FBXO32: variants seen among roughly 807,000 people sequenced by gnomAD.
The protein encoded by FBXO32 is F-box protein 32.
In FBXO32, 15 loss-of-function variants were observed where a neutral mutation model predicts 48.3. The ratio of observed to expected loss-of-function variants is 0.31; its 90% CI spans 0.21 to 0.48. The LOEUF is 0.48. FBXO32 is among the 20% of genes least tolerant of loss of function. FBXO32 has a pLI of 0.99. For synonymous variants in FBXO32, 154 were observed against 165.9 expected (o/e 0.93, Z 0.55); for missense variants, 309 against 432.7 (o/e 0.71, Z 2.54).
intron 1 of FBXO32, among the ~76,000 whole-genome samples, chr8:123,538,834 G>T (rs1234597850): frequency 1.3e-5 from 2 of 152,168 alleles, no homozygotes; most frequent in African/African-American, 4.8e-5. Flanking sequence ...GGACACGGGA[G>T]GGGGGCTGTG....
intron 4 of FBXO32, among the ~76,000 whole-genome samples, 161 bp from the exon 5 acceptor site, chr8:123,514,494 G>A (rs948187035): frequency 1.3e-5 from 2 of 152,238 alleles, no homozygotes; most frequent in Non-Finnish European, 2.9e-5. Flanking sequence ...CAGAGTGAAA[G>A]ATAAATGGGG....
At chr8:123,503,853 G>A (rs904008494) in intron 8 of FBXO32, among the ~76,000 whole-genome samples, 1 of 152,160 alleles carries the variant, frequency 6.6e-6, no homozygotes, top group African/African-American at 2.4e-5. Context: ...CAAGGCAGGT[G>A]GATCACTCGA....
At chr8:123,531,471 T>A (rs1286981668) in intron 4 of FBXO32, among the ~76,000 whole-genome samples, 1 of 152,166 alleles carries the variant, frequency 6.6e-6, no homozygotes, top group Non-Finnish European at 1.5e-5. Context: ...GTGAGAACAG[T>A]CAGAGATACA....
In FBXO32 at chr8:123,540,969, C is replaced by G; in HGVS notation, c.46G>C (p.Val16Leu). Residue 16 changes from valine (V) to leucine (L), a missense_variant, in exon 1 of 9, where the codon GTG becomes CTG. Transcript: ENST00000517956. This position sits in a 1 kb window ranked among gnomAD's most constrained non-coding sequence, Gnocchi z 6.4. Reference protein sequence around the residue: ...QDWRSPGQNWVKTADGWKRFL... With the variant: ...QDWRSPGQNWLKTADGWKRFL... ...CGCTTCCAGCCGTCGGCCGTCTTCACCCAGTTCTGCCCGGGGGACCGCCAG... is the reference window on the plus strand; with the variant it reads ...CGCTTCCAGCCGTCGGCCGTCTTCAGCCAGTTCTGCCCGGGGGACCGCCAG... 1.2e-6 allele frequency: 2 copies of G among 1,613,376 alleles called. No homozygotes were observed. Among genetic ancestry groups the G allele is most frequent in the Non-Finnish European group, 1.7e-6 (2 of 1,179,758 alleles).
chr8:123,501,346 CA>C lies in FBXO32; in HGVS notation c.*2026del, dbSNP rs1816479093. 7.5e-6 allele frequency: 1 copy of C among 134,074 alleles called. No individual in the cohort carries two copies. Among genetic ancestry groups the C allele is most frequent in the East Asian group, 2.1e-4 (1 of 4,706 alleles). The allele number at this position is 134,074 out of a possible 1,614,324, so 8.3% of individuals were successfully genotyped here. Reference sequence around the variant, plus strand: ...CTGCATTCCCAATGTGAAATTGGTTCAGGGGGAGAGGGATTGCAAAAAAAAA... The same window carrying C: ...CTGCATTCCCAATGTGAAATTGGTTCGGGGGAGAGGGATTGCAAAAAAAAA... On this transcript the variant is annotated 3_prime_UTR_variant, in exon 9 of 9. Coordinates refer to ENST00000517956, the MANE Select transcript of FBXO32 (RefSeq NM_058229.4).
In FBXO32 at chr8:123,525,196, T is replaced by G. The variant is rs771405068; in HGVS notation, c.372+6702A>C. On this transcript the variant is annotated intron_variant, in intron 4 of 8. Transcript: ENST00000517956. The surrounding 1 kb of genome is among the most constrained non-coding windows in gnomAD (Gnocchi z 4.3). ...AAAATGCTTTCAGGGGTGGTAGGAATGCAGTAACTTGCTGGAAACATTCAA... is the reference window on the plus strand; with the variant it reads ...AAAATGCTTTCAGGGGTGGTAGGAAGGCAGTAACTTGCTGGAAACATTCAA... Among the ~76,000 whole-genome samples, 28 of 152,232 alleles carry G rather than the reference T, an allele frequency of 1.8e-4. No individual in the cohort carries two copies. Among genetic ancestry groups the G allele is most frequent in the Non-Finnish European group, 3.2e-4 (22 of 68,044 alleles).
intron 4 of FBXO32, among the ~76,000 whole-genome samples, chr8:123,526,492 G>A (rs1214011707): frequency 2.0e-5 from 3 of 152,078 alleles, no homozygotes. Context: ...CTCCCAAAGT[G>A]CTGGGATTAC....
At chr8:123,528,700 G>C (rs1817139865) in intron 4 of FBXO32, among the ~76,000 whole-genome samples, 1 of 152,150 alleles carries the variant, frequency 6.6e-6, no homozygotes, top group Non-Finnish European at 1.5e-5. Flanking sequence ...TGATAAAAAT[G>C]ATAATATTTT....
chr8:123,502,831 C>T lies in FBXO32; in HGVS notation c.*542G>A, dbSNP rs1816525026. The T allele has an allele frequency of 6.6e-6, 1 of 152,474 alleles. No individual in the cohort carries two copies. The highest frequency in any genetic ancestry group is 1.9e-4 in the East Asian group (1 of 5,204). The allele number at this position is 152,474 out of a possible 1,614,324, so 9.4% of individuals were successfully genotyped here. On this transcript the variant is annotated 3_prime_UTR_variant, in exon 9 of 9. Coordinates refer to ENST00000517956, the MANE Select transcript of FBXO32 (RefSeq NM_058229.4). Reference sequence around the variant, plus strand: ...AGAGGTAGACCATTGTGTGGTATCTCTGTAGGGTAAGGCTCTGTGCCCATG... The same window carrying T: ...AGAGGTAGACCATTGTGTGGTATCTTTGTAGGGTAAGGCTCTGTGCCCATG...
chr8:123,511,007 G>A (rs141910368), intron 6 of FBXO32, among the ~76,000 whole-genome samples: 148 of 152,336 alleles, frequency 9.7e-4, no homozygotes, highest in Non-Finnish European at 1.9e-3. Context: ...GGCTTGGCTC[G>A]GCTGGAGCTC....
intron 4 of FBXO32, among the ~76,000 whole-genome samples, chr8:123,518,896 A>G (rs1816892319): frequency 6.6e-6 from 1 of 152,114 alleles, no homozygotes; most frequent in African/African-American, 2.4e-5. Flanking sequence ...GTCATGGCTC[A>G]CTGTAGCCTT....
intron 1 of FBXO32, among the ~76,000 whole-genome samples, chr8:123,538,529 A>G (rs1245030024): frequency 6.6e-6 from 1 of 152,214 alleles, no homozygotes; most frequent in Non-Finnish European, 1.5e-5. Context: ...CACCAAGACC[A>G]AAAACAGTGA....
At position 123,513,251 on chromosome 8, in the gene FBXO32, T is replaced by A; in HGVS notation, c.598A>T (p.Met200Leu). Residue 200 changes from methionine (M) to leucine (L), a missense_variant, in exon 6 of 9, where the codon ATG becomes TTG. By Grantham distance (15) the Met-to-Leu change is conservative (BLOSUM62 2). Transcript: ENST00000517956. This position sits in a 1 kb window ranked among gnomAD's most constrained non-coding sequence, Gnocchi z 4.3. ...TGCTGCCAGTGGAGAATCGTCTCCA[T>A]CCGATACACCCACATGTTAATGTTC... ...VGNINMWVYRMETILHWQQQL... is the reference protein window; with the variant it reads ...VGNINMWVYRLETILHWQQQL... 2 of 1,614,196 alleles carry A rather than the reference T, an allele frequency of 1.2e-6. No individual in the cohort carries two copies. Among genetic ancestry groups the A allele is most frequent in the Middle Eastern group, 3.3e-4 (2 of 6,062 alleles).
intron 4 of FBXO32, among the ~76,000 whole-genome samples, chr8:123,527,957 C>T (rs1427471265): frequency 7.2e-5 from 11 of 152,148 alleles, no homozygotes; most frequent in Non-Finnish European, 1.0e-4. Context: ...CCCCAGAAGT[C>T]GTATCTAGAG....
At chr8:123,507,635 A>G (rs1022846482) in intron 6 of FBXO32, among the ~76,000 whole-genome samples, 5 of 152,124 alleles carry the variant, frequency 3.3e-5, no homozygotes, top group Non-Finnish European at 7.4e-5. Flanking sequence ...CTTCTCCAAG[A>G]GCTTCTGGTA....
At chr8:123,514,019 C>T (rs1816788415) in intron 5 of FBXO32, 6 of 475,216 alleles carry the variant, frequency 1.3e-5, no homozygotes, top group Non-Finnish European at 2.2e-5. Context: ...AGTGGATGGT[C>T]CCAAAGAAAG....
rs1319262048 is a variant in FBXO32 at position 123,532,980 on chromosome 8, C to T, written c.279+211G>A. On this transcript the variant is annotated intron_variant, in intron 3 of 8. Transcript: ENST00000517956. ...CTTTTACATACATAATCTCATTGAA[C>T]GACTAGAGGGTCCACCTAGTGACTT... Among the ~76,000 whole-genome samples the T allele has an allele frequency of 5.3e-5, 8 of 152,186 alleles. No homozygotes were observed. The East Asian group carries it at 5.8e-4, about 11-fold the overall frequency.
intron 2 of FBXO32, 100 bp from the exon 3 acceptor site, chr8:123,533,340 A>G (rs1817246890): frequency 9.7e-7 from 1 of 1,034,518 alleles, no homozygotes; most frequent in African/African-American, 1.6e-5. Context: ...AGTTTTGACA[A>G]AAAAGATAAG....
intron 4 of FBXO32, among the ~76,000 whole-genome samples, chr8:123,517,915 G>T (rs954671352): frequency 6.6e-6 from 1 of 152,030 alleles, no homozygotes; most frequent in Non-Finnish European, 1.5e-5. Flanking sequence ...GACATCAGGG[G>T]TTAGCAAACT....
Sources: gnomAD v4.1 joint callset for allele counts (sites outside exome capture counted in the v4.1 genomes callset) on GRCh38, gnomAD v4.1.1 for gene constraint, Gnocchi (gnomAD v3.1) non-coding constraint, MANE v1.5 for transcripts, NCBI Gene and HGNC (gene_info 2026-07-23, HGNC 2026-07-21) for gene names.